The following PRKG1 variants were observed in gnomAD, a reference collection of about 807,000 sequenced individuals.
PRKG1 encodes protein kinase cGMP-dependent 1.
PRKG1 carries 35 observed loss-of-function variants against 88.1 expected under a neutral mutation model. The ratio of observed to expected loss-of-function variants is 0.40; its 90% CI spans 0.30 to 0.53. PRKG1 has a LOEUF of 0.53. Ranked by LOEUF, PRKG1 falls within the 20% of genes least tolerant of loss-of-function variation. The pLI is 0.59. For synonymous variants in PRKG1, 303 were observed against 292.5 expected (o/e 1.04, Z -0.37); for missense variants, 540 against 839.8 (o/e 0.64, Z 4.41).
intron 5 of PRKG1, among the ~76,000 whole-genome samples, chr10:52,053,071 TATA>T (rs1302947083): frequency 2.0e-5 from 3 of 152,156 alleles, no homozygotes; most frequent in African/African-American, 7.2e-5. Flanking sequence ...ATATGCATTC[TATA>T]ATATTATTTT....
chr10:51,032,489 T>G (rs941177144), intron 1 of PRKG1, among the ~76,000 whole-genome samples: 2 of 152,310 alleles, frequency 1.3e-5, no homozygotes, highest in Admixed American at 1.3e-4. Flanking sequence ...CCAGCCATGG[T>G]GGCTCACACC....
intron 1 of PRKG1, among the ~76,000 whole-genome samples, chr10:50,998,193 C>A (rs1842854425): frequency 6.6e-6 from 1 of 152,152 alleles, no homozygotes; most frequent in African/African-American, 2.4e-5. Context: ...TTTTCTTCTC[C>A]TTTTCCATGC....
chr10:51,474,680 A>C (rs905823408), intron 3 of PRKG1, among the ~76,000 whole-genome samples: 5 of 152,014 alleles, frequency 3.3e-5, no homozygotes, highest in African/African-American at 1.2e-4. Context: ...GGAATTAGGA[A>C]AATTTAAACA....
intron 3 of PRKG1, chr10:51,698,748 T>C: frequency 6.2e-7 from 1 of 1,614,192 alleles, no homozygotes; most frequent in African/African-American, 1.3e-5. Flanking sequence ...GCAGCTGGTA[T>C]TGGCCCTGGA....
Position 52,294,037 on chromosome 10 carries a change from T to C in PRKG1, c.*137T>C. ...CTTTGATCGATGCTGCTCCAGTAACTACAGTGGCATTAGGACTTACCGCTT... is the reference window on the plus strand; with the variant it reads ...CTTTGATCGATGCTGCTCCAGTAACCACAGTGGCATTAGGACTTACCGCTT... On this transcript the variant is annotated 3_prime_UTR_variant, in exon 18 of 18. Transcript: ENST00000373980. 1.5e-6 allele frequency: 1 copy of C among 653,200 alleles called. No individual in the cohort carries two copies. Among genetic ancestry groups the C allele is most frequent in the Non-Finnish European group, 2.6e-6 (1 of 378,502 alleles). 40.5% of individuals were successfully genotyped at this position (653,200 alleles called of 1,614,324 possible).
chr10:52,148,501 A>C (rs1368878784), intron 8 of PRKG1, among the ~76,000 whole-genome samples: 1 of 152,176 alleles, frequency 6.6e-6, no homozygotes, highest in Non-Finnish European at 1.5e-5. Flanking sequence ...TAAGAAAACA[A>C]ATTTAATATA....
chr10:52,078,317 A>T (rs1846684327), intron 7 of PRKG1, among the ~76,000 whole-genome samples: 1 of 152,206 alleles, frequency 6.6e-6, no homozygotes, highest in Non-Finnish European at 1.5e-5. Context: ...AATAACCACT[A>T]ATTATTTTTA....
At chr10:52,262,477 G>A (rs917234075) in intron 10 of PRKG1, among the ~76,000 whole-genome samples, 2 of 151,956 alleles carry the variant, frequency 1.3e-5, no homozygotes, top group Non-Finnish European at 2.9e-5. Context: ...CACCATGTTG[G>A]CCAGGCTGGT....
At chr10:51,621,635 ATC>A (rs1839214819) in intron 3 of PRKG1, among the ~76,000 whole-genome samples, 1 of 152,166 alleles carries the variant, frequency 6.6e-6, no homozygotes, top group African/African-American at 2.4e-5. Flanking sequence ...CAAAACCTCT[ATC>A]TCTCTTTTAA....
upstream of PRKG1, among the ~76,000 whole-genome samples, chr10:51,069,574 A>C (rs146366804): frequency 5.3e-5 from 8 of 152,224 alleles, no homozygotes; most frequent in African/African-American, 1.4e-4. Flanking sequence ...GTCCAAAGAC[A>C]GTTCCGGTTG....
intron 2 of PRKG1, among the ~76,000 whole-genome samples, chr10:51,269,303 G>A (rs1839916960): frequency 6.6e-6 from 1 of 152,100 alleles, no homozygotes; most frequent in Non-Finnish European, 1.5e-5. Context: ...AATCACTGTG[G>A]AAAACACTAT....
At chr10:52,044,637 T>G (rs1589553179) in intron 5 of PRKG1, among the ~76,000 whole-genome samples, 1 of 152,186 alleles carries the variant, frequency 6.6e-6, no homozygotes, top group African/African-American at 2.4e-5. Flanking sequence ...CATAATTATT[T>G]ACATGCACAA....
intron 3 of PRKG1, among the ~76,000 whole-genome samples, chr10:51,553,681 C>T (rs1837198206): frequency 6.7e-6 from 1 of 149,996 alleles, no homozygotes; most frequent in East Asian, 1.9e-4. Flanking sequence ...TTACAAACTC[C>T]TTGGTTGTGA....
chr10:51,954,231 T>C (rs527396653), intron 5 of PRKG1, among the ~76,000 whole-genome samples: 4 of 152,288 alleles, frequency 2.6e-5, no homozygotes, highest in African/African-American at 9.6e-5. Flanking sequence ...TTGAAAATAA[T>C]AGGCTCAATT....
chr10:51,640,186 G>A (rs1839762395), intron 3 of PRKG1, among the ~76,000 whole-genome samples: 1 of 152,184 alleles, frequency 6.6e-6, no homozygotes, highest in African/African-American at 2.4e-5. Flanking sequence ...GTACATGGTA[G>A]ATGGGGGGAA....
chr10:52,159,981 A>C (rs1163535585), intron 8 of PRKG1, among the ~76,000 whole-genome samples: 1 of 151,964 alleles, frequency 6.6e-6, no homozygotes, highest in Non-Finnish European at 1.5e-5. Context: ...CCAAATATAA[A>C]GGACAGAAGC....
At chr10:51,638,496 C>A (rs1839714511) in intron 3 of PRKG1, among the ~76,000 whole-genome samples, 1 of 152,080 alleles carries the variant, frequency 6.6e-6, no homozygotes, top group African/African-American at 2.4e-5. Context: ...ATGCATTCAT[C>A]AAATCATTGC....
In PRKG1 at chr10:51,374,093, A is replaced by AAATATATATATATATATATAT; in HGVS notation, c.479-93629_479-93628insATATATATATATATATATATA. On this transcript the variant is annotated intron_variant, in intron 2 of 17. Transcript: ENST00000373980. Reference sequence around the variant, plus strand: ...GCTGGCAGAGGTTGCAAAAAAAAAAAATATATATATATATATATATGTACT... The same window carrying AAATATATATATATATATATAT: ...GCTGGCAGAGGTTGCAAAAAAAAAAAAATATATATATATATATATATATATATATATATATATATATGTACT... 1.5e-3 allele frequency among the ~76,000 whole-genome samples: 154 copies of AAATATATATATATATATATAT among 100,068 alleles called. 2 individuals are homozygous for AAATATATATATATATATATAT. Among genetic ancestry groups the AAATATATATATATATATATAT allele is most frequent in the South Asian group, 0.01 (24 of 2,330 alleles). The allele number at this position is 100,068 out of a possible 152,430, so 65.6% of individuals were successfully genotyped here.
chr10:51,553,995 T>TGCGTATTA lies in PRKG1; in HGVS notation c.592+86160_592+86161insCGTATTAG, dbSNP rs1837221844. Among the ~76,000 whole-genome samples, 3 of 143,732 alleles carry TGCGTATTA rather than the reference T, an allele frequency of 2.1e-5. 1 individual carries two copies. The Admixed American group carries it at 2.1e-4, about 10-fold the overall frequency. The allele number at this position is 143,732 out of a possible 152,430, so 94.3% of individuals were successfully genotyped here. A position where few individuals can be genotyped will look rare whatever the true frequency, so the allele number is the denominator to read the frequency against. On this transcript the variant is annotated intron_variant, in intron 3 of 17. Transcript: ENST00000373980. ...TACGTGCATATTATATATGCGTATG[T>TGCGTATTA]GATACGTGCATATTATATGTGCGTA...
Sources: allele counts gnomAD v4.1 joint callset (sites outside exome capture counted in the v4.1 genomes callset), GRCh38; gene constraint gnomAD v4.1.1; transcripts MANE v1.5; gene names NCBI Gene and HGNC (gene_info 2026-07-23, HGNC 2026-07-21).